The following ADORA1 variants were observed in gnomAD, a reference collection of about 807,000 sequenced individuals.
The protein encoded by ADORA1 is adenosine receptor A1.
Under a neutral mutation model 19.9 loss-of-function variants are expected in ADORA1, and 6 were observed. The observed-to-expected ratio is 0.30, with a 90% CI of 0.17 to 0.59. ADORA1 has a LOEUF of 0.59. ADORA1 is among the 20% of genes least tolerant of loss of function. The pLI is 0.87. For missense variants in ADORA1, 302 were observed against 439.2 expected (o/e 0.69, Z 2.79); for synonymous variants, 194 against 188.4 (o/e 1.03, Z -0.24).
At chr1:203,161,217 C>T (rs1376608760) in intron 3 of ADORA1, among the ~76,000 whole-genome samples, 7 of 152,300 alleles carry the variant, frequency 4.6e-5, no homozygotes, top group South Asian at 2.1e-4. Flanking sequence ...CCCATTGCTC[C>T]GGGGACTCAG....
intron 3 of ADORA1, among the ~76,000 whole-genome samples, chr1:203,151,243 G>A (rs1655023061): frequency 6.6e-6 from 1 of 152,200 alleles, no homozygotes; most frequent in Non-Finnish European, 1.5e-5. Context: ...TTCCCCAGTG[G>A]AGCTTTACTG....
intron 3 of ADORA1, among the ~76,000 whole-genome samples, chr1:203,155,968 A>T (rs1465082253): frequency 6.6e-6 from 1 of 152,226 alleles, no homozygotes. Context: ...TTTAATCCTT[A>T]TCTCTTGTTC....
intron 3 of ADORA1, among the ~76,000 whole-genome samples, chr1:203,129,935 C>T (rs1041547157): frequency 6.6e-6 from 1 of 152,266 alleles, no homozygotes; most frequent in Middle Eastern, 3.2e-3. Context: ...CTGGTGCCGT[C>T]CTCAGTGTGG....
At chr1:203,133,273 C>G (rs760042623) in intron 3 of ADORA1, among the ~76,000 whole-genome samples, 1 of 152,048 alleles carries the variant, frequency 6.6e-6, no homozygotes, top group Non-Finnish European at 1.5e-5. Flanking sequence ...GCCACCATGC[C>G]CAGCTCATTT....
At position 203,128,884 on chromosome 1, in the gene ADORA1, A is replaced by C; in HGVS notation, c.43A>C (p.Ile15Leu). The change falls in exon 3 of 4, where the codon ATC becomes CTC. Residue 15 changes from isoleucine (I) to leucine (L), a missense_variant. By Grantham distance (5) the Ile-to-Leu change is conservative. Coordinates refer to ENST00000337894, the MANE Select transcript of ADORA1 (RefSeq NM_000674.3). The surrounding 1 kb of genome is among the most constrained non-coding windows in gnomAD (Gnocchi z 5.9). ...AGCTTTCCAGGCCGCCTACATCGGC[A>C]TCGAGGTGCTCATCGCCCTGGTCTC... Reference protein sequence around the residue: ...ISAFQAAYIGIEVLIALVSVP... With the variant: ...ISAFQAAYIGLEVLIALVSVP... The C allele has an allele frequency of 6.2e-7, 1 of 1,611,612 alleles. No individual in the cohort carries two copies.
intron 3 of ADORA1, among the ~76,000 whole-genome samples, chr1:203,141,346 C>T (rs1654683964): frequency 6.6e-6 from 1 of 152,186 alleles, no homozygotes; most frequent in African/African-American, 2.4e-5. Flanking sequence ...TCACCATGCA[C>T]CCTGCTCTCA....
In ADORA1 at chr1:203,166,031, G is replaced by A; in HGVS notation, c.*131G>A. ...TGGCTGGGGGCATGGGGGAGGCTCT[G>A]AAGAGATACCCACAGAGTGTGGTCC... On this transcript the variant is annotated 3_prime_UTR_variant, in exon 4 of 4. Transcript: ENST00000337894. The A allele has an allele frequency of 8.2e-7, 1 of 1,219,406 alleles. No individual in the cohort carries two copies. Among genetic ancestry groups the A allele is most frequent in the Non-Finnish European group, 1.1e-6 (1 of 908,276 alleles). 75.5% of individuals were successfully genotyped at this position (1,219,406 alleles called of 1,614,324 possible).
At chr1:203,164,851 CT>C (rs1655485611) in intron 3 of ADORA1, among the ~76,000 whole-genome samples, 1 of 152,214 alleles carries the variant, frequency 6.6e-6, no homozygotes, top group African/African-American at 2.4e-5. Context: ...GTTTCCTCAT[CT>C]GCCAATTGGG....
At chr1:203,131,969 G>A (rs144078533) in intron 3 of ADORA1, among the ~76,000 whole-genome samples, 153 of 152,282 alleles carry the variant, frequency 1.0e-3, no homozygotes, top group African/African-American at 3.4e-3. Context: ...TGGGGCACCC[G>A]GATACAGGTG....
intron 3 of ADORA1, among the ~76,000 whole-genome samples, chr1:203,151,337 G>C (rs1370174889): frequency 6.6e-6 from 1 of 152,162 alleles, no homozygotes. Context: ...CCCCACCCCA[G>C]ACTCAGACAC....
chr1:203,160,718 G>A (rs2102764899), intron 3 of ADORA1, among the ~76,000 whole-genome samples: 1 of 152,298 alleles, frequency 6.6e-6, no homozygotes, highest in South Asian at 2.1e-4. Flanking sequence ...GGCTGAGGTG[G>A]AAGGATCTCT....
At chr1:203,137,706 C>T (rs927555951) in intron 3 of ADORA1, among the ~76,000 whole-genome samples, 1 of 151,982 alleles carries the variant, frequency 6.6e-6, no homozygotes, top group Non-Finnish European at 1.5e-5. Context: ...GTGCATAAAC[C>T]TCAAGTACTC....
rs202013760 is a variant in ADORA1, at chr1:203,128,328, C to T, written c.-162C>T. 1.2e-5 allele frequency: 16 copies of T among 1,287,516 alleles called. No individual in the cohort carries two copies. The highest frequency in any genetic ancestry group is 1.5e-5 in the Non-Finnish European group (15 of 987,494). 79.8% of individuals were successfully genotyped at this position (1,287,516 alleles called of 1,614,324 possible). A position where few individuals can be genotyped will look rare whatever the true frequency, so the allele number is the denominator to read the frequency against. On this transcript the variant is annotated 5_prime_UTR_variant, in exon 2 of 4. Coordinates refer to ENST00000337894, the MANE Select transcript of ADORA1 (RefSeq NM_000674.3). The surrounding 1 kb of genome is among the most constrained non-coding windows in gnomAD (Gnocchi z 5.9). ...AGCCGGAGGACTATGAGCTGCCGCG[C>T]GTTGTCCAGAGCCCAGCCCAGCCCT...
intron 3 of ADORA1, chr1:203,150,125 T>C (rs1402759234): frequency 6.6e-6 from 1 of 152,432 alleles, no homozygotes; most frequent in Non-Finnish European, 1.5e-5. Flanking sequence ...AGCCACCAGA[T>C]GATCTAGGAG....
At chr1:203,140,301 A>G (rs1351184226) in intron 3 of ADORA1, among the ~76,000 whole-genome samples, 3 of 152,148 alleles carry the variant, frequency 2.0e-5, no homozygotes, top group Non-Finnish European at 4.4e-5. Context: ...GATGGACAGA[A>G]CTGGAAAGAT....
intron 3 of ADORA1, among the ~76,000 whole-genome samples, chr1:203,133,728 C>T (rs1480165517): frequency 1.3e-5 from 2 of 152,252 alleles, no homozygotes; most frequent in Non-Finnish European, 2.9e-5. Flanking sequence ...TTGGCAGTTC[C>T]TGCCTCTGTC....
At chr1:203,131,003 C>T (rs1377372488) in intron 3 of ADORA1, among the ~76,000 whole-genome samples, 1 of 152,188 alleles carries the variant, frequency 6.6e-6, no homozygotes, top group Non-Finnish European at 1.5e-5. Context: ...CCGCTTTAAG[C>T]TTTAATGTCC....
intron 3 of ADORA1, among the ~76,000 whole-genome samples, chr1:203,143,956 C>T (rs947194219): frequency 7.2e-5 from 11 of 152,178 alleles, no homozygotes; most frequent in African/African-American, 1.9e-4. Flanking sequence ...GGAAGCGCAG[C>T]GCCATACCTC....
chr1:203,145,970 G>A (rs913491889), intron 3 of ADORA1, among the ~76,000 whole-genome samples: 1 of 152,212 alleles, frequency 6.6e-6, no homozygotes, highest in African/African-American at 2.4e-5. Context: ...TCAGGTCAGA[G>A]TGTGTTCTGC....
Sources: gnomAD v4.1 joint callset for allele counts (sites outside exome capture counted in the v4.1 genomes callset) on GRCh38, gnomAD v4.1.1 for gene constraint, Gnocchi (gnomAD v3.1) non-coding constraint, MANE v1.5 for transcripts, NCBI Gene and HGNC (gene_info 2026-07-23, HGNC 2026-07-21) for gene names.